AAGAB: variants seen among roughly 807,000 people sequenced by gnomAD.
The protein encoded by AAGAB is alpha and gamma adaptin binding protein.
In AAGAB, 38 loss-of-function variants were observed where a neutral mutation model predicts 44.1. The ratio of observed to expected loss-of-function variants is 0.86; its 90% confidence interval spans 0.67 to 1.13. The LOEUF is 1.13. AAGAB is among the 50% of genes most tolerant of loss of function. AAGAB has a pLI of 0.00. For synonymous variants in AAGAB, 131 were observed against 131.8 expected (o/e 0.99, Z 0.04); for missense variants, 450 against 373.8 (o/e 1.20, Z -1.68).
chr15:67,232,421 G>A (rs1036386704), intron 4 of AAGAB: 4 of 197,520 alleles, frequency 2.0e-5, no homozygotes, highest in Non-Finnish European at 3.1e-5. Flanking sequence ...TTTCTTCCTC[G>A]GCTGTCTGAG....
intron 8 of AAGAB, 79 bp from the exon 9 acceptor site, chr15:67,203,676 G>A (rs975579895): frequency 4.0e-6 from 5 of 1,261,912 alleles, no homozygotes; most frequent in South Asian, 3.7e-5. Flanking sequence ...CTAGAAGATG[G>A]GAGACGGGTT....
intron 5 of AAGAB, among the ~76,000 whole-genome samples, chr15:67,212,074 G>T (rs1279270917): frequency 6.6e-6 from 1 of 152,078 alleles, no homozygotes; most frequent in Non-Finnish European, 1.5e-5. Context: ...TTGGAGACGG[G>T]GTTTCACCGT....
chr15:67,209,607 A>G (rs1191094217), intron 5 of AAGAB, 63 bp from the exon 6 acceptor site: 1 of 1,282,074 alleles, frequency 7.8e-7, no homozygotes, highest in Non-Finnish European at 1.1e-6. Flanking sequence ...TCAAATGGCT[A>G]TGATGATGAA....
chr15:67,229,262 G>A (rs1272962187), intron 5 of AAGAB, among the ~76,000 whole-genome samples: 3 of 151,880 alleles, frequency 2.0e-5, no homozygotes, highest in Admixed American at 6.6e-5. Context: ...TGAAACCCCC[G>A]TCTCTACTAA....
At chr15:67,228,258 C>G (rs1964250180) in intron 5 of AAGAB, among the ~76,000 whole-genome samples, 1 of 152,138 alleles carries the variant, frequency 6.6e-6, no homozygotes, top group South Asian at 2.1e-4. Context: ...ATAAATATAA[C>G]AAGCACCATT....
intron 6 of AAGAB, 59 bp downstream of exon 6, chr15:67,209,403 A>G (rs1242380069): frequency 7.5e-7 from 1 of 1,329,090 alleles, no homozygotes; most frequent in Non-Finnish European, 1.1e-6. Context: ...GTCAAGATTC[A>G]TAATGACAAG....
chr15:67,222,743 C>A lies in AAGAB; in HGVS notation c.535+9071G>T, dbSNP rs1164804544. Among the ~76,000 whole-genome samples the A allele has an allele frequency of 2.0e-5, 3 of 152,276 alleles. No individual in the cohort carries two copies. The East Asian group carries it at 5.8e-4, about 29-fold the overall frequency. ...ATCCATTTTTCACCCTCTATTGGAA[C>A]TTTTCCAACAGCTTATGAACGCGCT... On this transcript the variant is annotated intron_variant, in intron 5 of 9. Transcript: ENST00000261880.
chr15:67,221,232 A>C (rs1420172313), intron 5 of AAGAB: 1 of 152,262 alleles, frequency 6.6e-6, no homozygotes, highest in Non-Finnish European at 1.5e-5. Flanking sequence ...AATGAAAGCT[A>C]GTAACAAGGT....
chr15:67,246,438 C>T (rs966609536), intron 1 of AAGAB, among the ~76,000 whole-genome samples: 1 of 151,694 alleles, frequency 6.6e-6, no homozygotes, highest in Non-Finnish European at 1.5e-5. Context: ...CTGTCCTGGT[C>T]CATCTTAATC....
chr15:67,205,818 T>C (rs971000250), intron 7 of AAGAB, among the ~76,000 whole-genome samples: 2 of 152,082 alleles, frequency 1.3e-5, no homozygotes, highest in Non-Finnish European at 2.9e-5. Flanking sequence ...AGTAAAGAGA[T>C]AAGGAGGAAG....
chr15:67,222,279 CACA>C (rs1567021063), intron 5 of AAGAB, among the ~76,000 whole-genome samples: 12 of 150,084 alleles, frequency 8.0e-5, no homozygotes, highest in African/African-American at 2.4e-4. Flanking sequence ...CACACACACA[CACA>C]CCCTCCACCC....
rs112308565 is a variant in AAGAB at position 67,231,961 on chromosome 15, C to T, written c.452-64G>A. 1.1e-5 allele frequency: 16 copies of T among 1,423,034 alleles called. No homozygotes were observed. The African/African-American group carries it at 1.1e-4, about 10-fold the overall frequency. 88.2% of individuals were successfully genotyped at this position (1,423,034 alleles called of 1,614,324 possible). A position where few individuals can be genotyped will look rare whatever the true frequency, so the allele number is the denominator to read the frequency against. On this transcript the variant is annotated intron_variant, in intron 4 of 9. Transcript: ENST00000261880. ...ACTCACACAGATATACATATACATT[C>T]ACAAAAATGTGGCCAGGCACGGTGG... is the stretch of plus-strand genomic sequence containing the variant.
At chr15:67,215,712 A>G in intron 5 of AAGAB, among the ~76,000 whole-genome samples, 1 of 152,270 alleles carries the variant, frequency 6.6e-6, no homozygotes, top group South Asian at 2.1e-4. Context: ...CTGTTTGAAT[A>G]AAAAATTCTT....
At chr15:67,229,930 T>C (rs2140370732) in intron 5 of AAGAB, among the ~76,000 whole-genome samples, 1 of 152,168 alleles carries the variant, frequency 6.6e-6, no homozygotes, top group Admixed American at 6.5e-5. Context: ...CACTGCAACC[T>C]CTGACTCCCT....
rs757112292 is a variant in AAGAB at position 67,231,842 on chromosome 15, A to T, written c.507T>A (p.Asn169Lys). The change falls in exon 5 of 10, where the codon AAT (asparagine) becomes AAA (lysine). Residue 169 changes from asparagine to lysine, a missense_variant. Physicochemically the swap from Asn to Lys is moderately conservative, Grantham distance 94 (BLOSUM62 0). Coordinates refer to ENST00000261880, the MANE Select transcript of AAGAB (RefSeq NM_024666.5). The part of the protein sequence containing the change: ...VKRIVQALNA[N>K]VWSNVVMKND... The stretch of plus-strand genomic sequence containing the variant: ...TCTTCATCACTACATTGGACCACAC[A>T]TTGGCATTCAGGGCTTGGACAATTC... The T allele has an allele frequency of 4.0e-5, 65 of 1,612,592 alleles. No homozygotes were observed. The South Asian group carries it at 7.1e-4, about 18-fold the overall frequency.
At chr15:67,255,017 G>C, upstream of AAGAB, 4 of 1,471,694 alleles carry the variant, frequency 2.7e-6, no homozygotes, top group Non-Finnish European at 3.8e-6. Context: ...CCCGCGCGCC[G>C]ATTCACCGAC....
rs547264525 is a variant in AAGAB at position 67,254,613 on chromosome 15, A to C, written c.19T>G (p.Cys7Gly). 1 of 1,605,848 alleles carries C rather than the reference A, an allele frequency of 6.2e-7. No homozygotes were observed. The highest frequency in any genetic ancestry group is 2.2e-5 in the East Asian group (1 of 44,578). Residue 7 changes from cysteine to glycine, a missense_variant, in exon 1 of 10, where the codon TGT becomes GGT. Cys to Gly is a radical substitution (Grantham distance 159, BLOSUM62 -3). Coordinates refer to ENST00000261880, the MANE Select transcript of AAGAB (RefSeq NM_024666.5). ...GAGGAGCAGCTGGTGACTAACGCAC[A>C]GGGTACGCCAGCAGCCATAGCTGCG... MAAGVP[C>G]ALVTSCSSVF... is the part of the protein sequence containing the mutation.
intron 1 of AAGAB, among the ~76,000 whole-genome samples, chr15:67,239,608 T>A (rs993477023): frequency 2.3e-4 from 35 of 152,206 alleles, no homozygotes; most frequent in African/African-American, 8.2e-4. Flanking sequence ...GATTTTTTTT[T>A]AACATTTTAT....
rs369927533 is a variant in AAGAB at position 67,231,815 on chromosome 15, A to G, written c.534T>C (p.Asn178=). 2.5e-6 allele frequency: 4 copies of G among 1,609,294 alleles called. No homozygotes were observed. Among genetic ancestry groups the G allele is most frequent in the African/African-American group, 2.7e-5 (2 of 74,820 alleles). Reference sequence around the variant, plus strand: ...TGACTTGAGTCCCAAGTTACTTACCATTCTTCATCACTACATTGGACCACA... The same window carrying G: ...TGACTTGAGTCCCAAGTTACTTACCGTTCTTCATCACTACATTGGACCACA... The part of the protein sequence containing the change: ...ANVWSNVVMK[N]DRNQGFSLLN... Residue 178 remains asparagine, a splice_region_variant and synonymous_variant, in exon 5 of 10, where the codon AAT becomes AAC. Coordinates refer to ENST00000261880, the MANE Select transcript of AAGAB (RefSeq NM_024666.5).
Sources: gnomAD v4.1 joint callset for allele counts (sites outside exome capture counted in the v4.1 genomes callset) on GRCh38, gnomAD v4.1.1 for gene constraint, MANE v1.5 for transcripts, NCBI Gene and HGNC (gene_info 2026-07-23, HGNC 2026-07-21) for gene names.